IQCM: variants seen among roughly 807,000 people sequenced by gnomAD.
IQCM encodes the protein IQ domain-containing protein M.
A neutral mutation model predicts 57.6 loss-of-function variants in IQCM; 45 were observed. The observed-to-expected ratio is 0.78, with a 90% CI of 0.62 to 1.00. IQCM has a LOEUF of 1.00. Ranked by LOEUF, IQCM falls within the 50% of genes least tolerant of loss-of-function variation. The probability of loss-of-function intolerance (pLI) is 0.00; values close to 1 mark genes in which losing one functional copy is unlikely to be tolerated. For synonymous variants in IQCM, 148 were observed against 158.9 expected, an observed-to-expected ratio of 0.93 and a Z score of 0.51; for missense variants, 468 against 511.6, an observed-to-expected ratio of 0.91 and a Z score of 0.82.
intron 12 of IQCM, among the ~76,000 whole-genome samples, chr4:149,477,547 C>T (rs1452784231): frequency 1.3e-5 from 2 of 152,174 alleles, no homozygotes; most frequent in Admixed American, 1.3e-4. Flanking sequence ...CCTCACAGAG[C>T]TTACTGTCCG....
chr4:149,373,015 T>G (rs1000716191), intron 13 of IQCM, among the ~76,000 whole-genome samples: 19 of 152,128 alleles, frequency 1.2e-4, no homozygotes, highest in African/African-American at 4.3e-4. Context: ...TAAGTGATGC[T>G]TCTCAGAAAA....
chr4:149,673,922 C>T (rs1761530014), intron 7 of IQCM, among the ~76,000 whole-genome samples: 1 of 152,014 alleles, frequency 6.6e-6, no homozygotes, highest in Non-Finnish European at 1.5e-5. Flanking sequence ...TACGTATGAG[C>T]CATGAAAGCA....
At chr4:149,749,629 A>T (rs1169324204) in intron 2 of IQCM, among the ~76,000 whole-genome samples, 2 of 152,148 alleles carry the variant, frequency 1.3e-5, no homozygotes, top group African/African-American at 4.8e-5. Flanking sequence ...AGAGATGTGT[A>T]CACTTCGTCA....
intron 12 of IQCM, among the ~76,000 whole-genome samples, chr4:149,480,774 C>G (rs961572524): frequency 2.6e-5 from 4 of 152,068 alleles, no homozygotes; most frequent in African/African-American, 4.8e-5. Context: ...TGGGTATGTA[C>G]CCAGCAGTGG....
chr4:149,376,185 A>G (rs1730690384), intron 13 of IQCM, among the ~76,000 whole-genome samples: 1 of 152,188 alleles, frequency 6.6e-6, no homozygotes, highest in Non-Finnish European at 1.5e-5. Context: ...TACAATAAGA[A>G]TTTGGAAAAT....
At position 149,629,542 on chromosome 4, in the gene IQCM, C is replaced by G. The variant is rs145264416; in HGVS notation, c.566-8298G>C. Among the ~76,000 whole-genome samples the G allele has an allele frequency of 2.0e-3, 301 of 151,922 alleles. 3 individuals are homozygous for G. The highest frequency in any genetic ancestry group is 6.8e-3 in the African/African-American group (280 of 41,416). ...ATCATGGGAACAGCCTCTGGGTGTT[C>G]CTATAAAGCTAGGTGACTTAACTAA... On this transcript the variant is annotated intron_variant, in intron 7 of 13. Coordinates refer to ENST00000636793, the MANE Select transcript of IQCM (RefSeq NM_001363507.2).
At chr4:149,734,356 C>T (rs1032255342) in intron 4 of IQCM, among the ~76,000 whole-genome samples, 4 of 151,954 alleles carry the variant, frequency 2.6e-5, no homozygotes, top group Admixed American at 6.6e-5. Context: ...CTCTGAAGAC[C>T]GTGAAACATT....
intron 12 of IQCM, among the ~76,000 whole-genome samples, chr4:149,450,304 CA>C (rs1190228365): frequency 1.3e-5 from 2 of 151,522 alleles, no homozygotes; most frequent in Admixed American, 1.3e-4. Context: ...TCTGGGAAAA[CA>C]TTTATTGAGT....
intron 9 of IQCM, among the ~76,000 whole-genome samples, chr4:149,571,146 C>T (rs2726751): frequency 0.23 from 35,576 of 151,974 alleles, 4,746 homozygotes; most frequent in Non-Finnish European, 0.29. Context: ...CTCCTGGGTA[C>T]ACATCCAAAG....
chr4:149,397,592 T>C (rs1469100040), intron 13 of IQCM, among the ~76,000 whole-genome samples: 5 of 152,010 alleles, frequency 3.3e-5, no homozygotes, highest in Admixed American at 6.6e-5. Context: ...TCCTGAGGTT[T>C]CCCAGGCCAT....
chr4:149,770,345 G>C (rs545391368), intron 2 of IQCM, among the ~76,000 whole-genome samples: 1 of 152,106 alleles, frequency 6.6e-6, no homozygotes, highest in African/African-American at 2.4e-5. Flanking sequence ...TGGCTTCACT[G>C]GTGAACTCTA....
At chr4:149,720,119 T>C (rs1765325876) in intron 5 of IQCM, among the ~76,000 whole-genome samples, 1 of 152,192 alleles carries the variant, frequency 6.6e-6, no homozygotes. Flanking sequence ...CTTTGTCAAG[T>C]ACAAAACATT....
At chr4:149,713,173 C>T (rs79503799) in intron 5 of IQCM, among the ~76,000 whole-genome samples, 114 of 152,248 alleles carry the variant, frequency 7.5e-4, no homozygotes, top group African/African-American at 2.5e-3. Flanking sequence ...ACCACTTTCT[C>T]CTTTCTTCGG....
At chr4:149,622,396 G>A (rs1359353614) in intron 7 of IQCM, among the ~76,000 whole-genome samples, 1 of 148,480 alleles carries the variant, frequency 6.7e-6, no homozygotes, top group African/African-American at 2.5e-5. Context: ...AGGCTGGAGT[G>A]CAGTGGTGCG....
chr4:149,700,640 G>A (rs1022694558), intron 5 of IQCM, among the ~76,000 whole-genome samples: 1 of 151,982 alleles, frequency 6.6e-6, no homozygotes, highest in African/African-American at 2.4e-5. Flanking sequence ...CATAGAGTGT[G>A]ATATACTTAA....
At chr4:149,502,604 G>A (rs1030640114) in intron 12 of IQCM, among the ~76,000 whole-genome samples, 2 of 152,120 alleles carry the variant, frequency 1.3e-5, no homozygotes, top group South Asian at 4.1e-4. Context: ...AGCCCTAGAG[G>A]TCGAGGCTGC....
rs567875927 is a variant in IQCM, at chr4:149,580,220, A to G, written c.749+7710T>C. 3.3e-5 allele frequency among the ~76,000 whole-genome samples: 5 copies of G among 151,952 alleles called. No individual in the cohort carries two copies. In the East Asian group the frequency reaches 7.8e-4, roughly 24 times the overall value. ...TAGTTAAATTTTCTGGGCTCAGGTG[A>G]ATAATTTTCCATAGAAATCTGCCGA... On this transcript the variant is annotated intron_variant, in intron 9 of 13. Transcript: ENST00000636793.
intron 2 of IQCM, among the ~76,000 whole-genome samples, chr4:149,787,389 A>T (rs1364159187): frequency 1.3e-5 from 2 of 152,196 alleles, no homozygotes; most frequent in African/African-American, 4.8e-5. Flanking sequence ...AACAAAAAAT[A>T]TCCTAAATAT....
At chr4:149,352,892 A>G (rs1728676331) in intron 13 of IQCM, among the ~76,000 whole-genome samples, 1 of 152,182 alleles carries the variant, frequency 6.6e-6, no homozygotes, top group Non-Finnish European at 1.5e-5. Context: ...TAGATAGGGT[A>G]GTATATCTTT....
Sources: allele counts gnomAD v4.1 joint callset (sites outside exome capture counted in the v4.1 genomes callset), GRCh38; gene constraint gnomAD v4.1.1; transcripts MANE v1.5; gene names NCBI Gene and HGNC (gene_info 2026-07-23, HGNC 2026-07-21).